ARB2A: variants seen among roughly 807,000 people sequenced by gnomAD.
The protein encoded by ARB2A is ARB2 cotranscriptional regulator A.
At chr5:93,732,650 TC>T in the ARB2A span, among the ~76,000 whole-genome samples, 1 of 151,658 alleles carries the variant, frequency 6.6e-6, no homozygotes, top group Non-Finnish European at 1.5e-5. Context: ...GGCTCCGTAC[TC>T]CCCCATTTAG....
chr5:93,907,395 T>C, the ARB2A span, among the ~76,000 whole-genome samples: 3 of 151,432 alleles, frequency 2.0e-5, no homozygotes, highest in African/African-American at 7.3e-5. Context: ...GGATTCTTAT[T>C]TTCAGATGTC....
At chr5:93,740,528 C>T in the ARB2A span, 29 of 1,525,306 alleles carry the variant, frequency 1.9e-5, no homozygotes, top group Non-Finnish European at 2.5e-5. Flanking sequence ...CTGGGTTTTC[C>T]CTTCTTCTCC....
the ARB2A span, among the ~76,000 whole-genome samples, chr5:93,745,905 A>G: frequency 6.6e-6 from 1 of 152,136 alleles, no homozygotes; most frequent in African/African-American, 2.4e-5. Flanking sequence ...TTAGTTAAGG[A>G]GCAAGACAAA....
the ARB2A span, among the ~76,000 whole-genome samples, chr5:93,850,773 T>C: frequency 2.0e-5 from 3 of 152,180 alleles, no homozygotes; most frequent in Non-Finnish European, 4.4e-5. Context: ...TATTTAACAT[T>C]TGGAGTCAAT....
At chr5:93,762,493 T>C in the ARB2A span, among the ~76,000 whole-genome samples, 2 of 151,982 alleles carry the variant, frequency 1.3e-5, no homozygotes, top group African/African-American at 4.8e-5. Flanking sequence ...AGAAGAGAAG[T>C]TTAGAGACAA....
At chr5:94,004,998 CAAAAAAAAAAAAAAA>C in the ARB2A span, among the ~76,000 whole-genome samples, 12 of 12,552 alleles carry the variant, frequency 9.6e-4, no homozygotes, top group East Asian at 0.043. Flanking sequence ...ATTTTATCAG[CAAAAAAAAAAAAAAA>C]AAAAAAAAAA....
the ARB2A span, among the ~76,000 whole-genome samples, chr5:93,937,813 G>A: frequency 6.6e-6 from 1 of 152,038 alleles, no homozygotes; most frequent in African/African-American, 2.4e-5. Context: ...ACATCCTTCT[G>A]TATACTTTAA....
At chr5:93,855,633 A>G in the ARB2A span, among the ~76,000 whole-genome samples, 3 of 152,128 alleles carry the variant, frequency 2.0e-5, no homozygotes, top group African/African-American at 4.8e-5. Flanking sequence ...TTCCTTCAGG[A>G]GCTCTTTTAG....
At chr5:93,622,657 T>C in the ARB2A span, among the ~76,000 whole-genome samples, 2 of 152,270 alleles carry the variant, frequency 1.3e-5, no homozygotes, top group Admixed American at 1.3e-4. Flanking sequence ...CCTCATGAAC[T>C]TGAATTTGAA....
At chr5:94,047,998 A>G in the ARB2A span, among the ~76,000 whole-genome samples, 1 of 152,032 alleles carries the variant, frequency 6.6e-6, no homozygotes, top group East Asian at 1.9e-4. Context: ...TGGTTATTCT[A>G]TAATCAAAAT....
the ARB2A span, among the ~76,000 whole-genome samples, chr5:93,984,859 T>C: frequency 6.6e-6 from 1 of 152,208 alleles, no homozygotes; most frequent in South Asian, 2.1e-4. Context: ...TAAAGAACTA[T>C]ATGAAAAACA....
At chr5:93,646,047 T>C in the ARB2A span, among the ~76,000 whole-genome samples, 7 of 152,168 alleles carry the variant, frequency 4.6e-5, no homozygotes, top group Admixed American at 4.6e-4. Flanking sequence ...ATTACACATG[T>C]AAAAAGAGTA....
chr5:93,879,423 TG>T, the ARB2A span, among the ~76,000 whole-genome samples: 2 of 151,994 alleles, frequency 1.3e-5, no homozygotes, highest in Non-Finnish European at 2.9e-5. Flanking sequence ...TTGGTGCTTT[TG>T]TTGGGAACTT....
the ARB2A span, among the ~76,000 whole-genome samples, chr5:93,781,116 C>T: frequency 6.6e-6 from 1 of 152,100 alleles, no homozygotes; most frequent in Non-Finnish European, 1.5e-5. Context: ...AACTGTCACC[C>T]AAATAGTGTA....
the ARB2A span, among the ~76,000 whole-genome samples, chr5:93,674,052 G>A: frequency 1.3e-5 from 2 of 152,116 alleles, no homozygotes; most frequent in African/African-American, 2.4e-5. Context: ...AGTCTAATCG[G>A]AAACACTTAA....
chr5:93,985,156 C>G, the ARB2A span, among the ~76,000 whole-genome samples: 2 of 152,114 alleles, frequency 1.3e-5, no homozygotes, highest in Non-Finnish European at 1.5e-5. Context: ...ATTATCCCCT[C>G]TTTCTTATAG....
the ARB2A span, among the ~76,000 whole-genome samples, chr5:93,786,491 A>C: frequency 6.6e-6 from 1 of 152,196 alleles, no homozygotes; most frequent in Non-Finnish European, 1.5e-5. Context: ...AATCACTTTC[A>C]TATTTTATTA....
At chr5:94,091,042 A>G in the ARB2A span, among the ~76,000 whole-genome samples, 6 of 152,240 alleles carry the variant, frequency 3.9e-5, no homozygotes, top group African/African-American at 1.4e-4. Context: ...TTCATTATTA[A>G]GGGTTGACCT....
chr5:94,038,537 CTG>C, the ARB2A span, among the ~76,000 whole-genome samples: 2 of 151,888 alleles, frequency 1.3e-5, no homozygotes, highest in East Asian at 1.9e-4. Context: ...AAAAACATAA[CTG>C]TGTGAATGTA....
Sources: allele counts gnomAD v4.1 joint callset (sites outside exome capture counted in the v4.1 genomes callset), GRCh38; gene constraint gnomAD v4.1.1; transcripts MANE v1.5; gene names NCBI Gene and HGNC (gene_info 2026-07-23, HGNC 2026-07-21).